The following SEMA6D variants were observed in gnomAD, a reference collection of about 807,000 sequenced individuals.
SEMA6D encodes semaphorin 6D.
Under a neutral mutation model 106.6 loss-of-function variants are expected in SEMA6D, and 35 were observed. The ratio of observed to expected loss-of-function variants is 0.33; its 90% CI spans 0.25 to 0.44. The LOEUF (loss-of-function observed/expected upper bound fraction) is 0.44. Among genes scored for constraint, SEMA6D ranks in the 20% least tolerant of loss-of-function variants. The probability of loss-of-function intolerance (pLI) is 1.00; values close to 1 mark genes in which losing one functional copy is unlikely to be tolerated. For missense variants in SEMA6D, 1,185 were observed against 1,345.9 expected (o/e 0.88, Z 1.87); for synonymous variants, 499 against 487.7 (o/e 1.02, Z -0.31).
intron 1 of SEMA6D, chr15:47,412,293 C>T (rs1408083170): frequency 6.6e-6 from 1 of 152,532 alleles, no homozygotes; most frequent in Non-Finnish European, 1.5e-5. Flanking sequence ...CAGCAGCAGG[C>T]ATTTATAAAC....
intron 4 of SEMA6D, among the ~76,000 whole-genome samples, chr15:47,611,502 T>C (rs1272995829): frequency 6.6e-6 from 1 of 152,204 alleles, no homozygotes; most frequent in Non-Finnish European, 1.5e-5. Flanking sequence ...CGTGTGTGTG[T>C]GTTTATATGT....
intron 1 of SEMA6D, among the ~76,000 whole-genome samples, chr15:47,408,774 G>C (rs2040684413): frequency 1.3e-5 from 2 of 152,196 alleles, no homozygotes; most frequent in African/African-American, 4.8e-5. Context: ...TAAGATAATA[G>C]AGATTCTCCC....
Position 47,508,026 on chromosome 15 carries a change from C to A in SEMA6D, c.-87+37481C>A, listed in dbSNP as rs1441801721. ...TTCAGTTCTTAATATCATAACCATG[C>A]AATACTGCCTATGAAATGACAGAAA... On this transcript the variant is annotated intron_variant, in intron 3 of 19. Transcript: ENST00000558014. Among the ~76,000 whole-genome samples, 6 of 152,234 alleles carry A rather than the reference C, an allele frequency of 3.9e-5. No individual in the cohort carries two copies. In the East Asian group the frequency reaches 9.7e-4, roughly 25 times the overall value.
intron 1 of SEMA6D, among the ~76,000 whole-genome samples, chr15:47,385,438 C>T (rs1341488589): frequency 6.6e-6 from 1 of 152,022 alleles, no homozygotes; most frequent in African/African-American, 2.4e-5. Context: ...AACCAAATTG[C>T]TATGTGAATT....
At chr15:47,291,217 C>G (rs1435033236) in intron 1 of SEMA6D, among the ~76,000 whole-genome samples, 3 of 152,196 alleles carry the variant, frequency 2.0e-5, no homozygotes, top group Admixed American at 1.3e-4. Context: ...TGGAGTTCCT[C>G]AGTGCTATAA....
At chr15:47,378,637 C>T (rs749129801) in intron 1 of SEMA6D, among the ~76,000 whole-genome samples, 6 of 152,160 alleles carry the variant, frequency 3.9e-5, no homozygotes, top group Non-Finnish European at 7.3e-5. Flanking sequence ...CGTTATTTTC[C>T]ACCAAGTGCT....
rs1050602859 is a variant in SEMA6D, at chr15:47,559,243, C to T, written c.-86-41622C>T. ...TTAAAGTGTTTCTCTTCAAGCATGA[C>T]GGAATGGGGAGGCAAACAAATTCTC... On this transcript the variant is annotated intron_variant, in intron 3 of 19. Coordinates refer to the SEMA6D transcript ENST00000558014. 7.2e-5 allele frequency among the ~76,000 whole-genome samples: 11 copies of T among 151,944 alleles called. No individual in the cohort carries two copies. The South Asian group carries it at 8.3e-4, about 11-fold the overall frequency.
intron 3 of SEMA6D, among the ~76,000 whole-genome samples, chr15:47,489,453 A>C (rs1467845905): frequency 6.6e-6 from 1 of 152,184 alleles, no homozygotes; most frequent in Non-Finnish European, 1.5e-5. Flanking sequence ...CTATGGAAGT[A>C]CTCACTATGT....
At chr15:47,764,606 G>T in intron 11 of SEMA6D, 32 bp from the exon 12 acceptor site, 1 of 1,611,084 alleles carries the variant, frequency 6.2e-7, no homozygotes, top group Non-Finnish European at 8.5e-7. Context: ...AGGGGCAGCC[G>T]AGAGCATAAA....
intron 2 of SEMA6D, among the ~76,000 whole-genome samples, chr15:47,445,312 C>G (rs1246602031): frequency 1.3e-5 from 2 of 152,048 alleles, no homozygotes; most frequent in Admixed American, 6.6e-5. Context: ...TGCCGGGGAA[C>G]CACCCTCTTC....
At chr15:47,653,047 A>G (rs577724032) in intron 4 of SEMA6D, among the ~76,000 whole-genome samples, 5 of 152,368 alleles carry the variant, frequency 3.3e-5, no homozygotes, top group Admixed American at 3.3e-4. Context: ...CTCCATGCGT[A>G]CTTATCACTC....
At chr15:47,266,239 T>C (rs955528311) in intron 1 of SEMA6D, among the ~76,000 whole-genome samples, 1 of 151,896 alleles carries the variant, frequency 6.6e-6, no homozygotes, top group Admixed American at 6.6e-5. Flanking sequence ...TGACTACACT[T>C]TTTTTTTCCA....
chr15:47,348,378 T>C (rs2038130754), intron 1 of SEMA6D, among the ~76,000 whole-genome samples: 1 of 152,122 alleles, frequency 6.6e-6, no homozygotes, highest in South Asian at 2.1e-4. Context: ...AATGACTTAA[T>C]ATATAAAACT....
chr15:47,365,045 G>A (rs1208306017), intron 1 of SEMA6D, among the ~76,000 whole-genome samples: 2 of 152,184 alleles, frequency 1.3e-5, no homozygotes, highest in East Asian at 3.9e-4. Context: ...GGGAAGTTGG[G>A]AGGAAATTAA....
chr15:47,241,696 T>TG (rs1281062267), intron 1 of SEMA6D, among the ~76,000 whole-genome samples: 3 of 148,320 alleles, frequency 2.0e-5, no homozygotes, highest in African/African-American at 7.5e-5. Flanking sequence ...AAGAAAACGA[T>TG]GGAAAAAAAA....
intron 4 of SEMA6D, among the ~76,000 whole-genome samples, chr15:47,659,235 T>A (rs2145151485): frequency 1.3e-5 from 2 of 152,070 alleles, no homozygotes; most frequent in African/African-American, 4.8e-5. Flanking sequence ...ACAATTTGAT[T>A]TTAGCACATT....
intron 1 of SEMA6D, among the ~76,000 whole-genome samples, chr15:47,203,225 C>T (rs1389841716): frequency 1.3e-5 from 2 of 152,002 alleles, no homozygotes; most frequent in Admixed American, 6.6e-5. Flanking sequence ...AATCAAGTTC[C>T]CTCTAACCTT....
At chr15:47,597,672 C>A (rs1408785642) in intron 3 of SEMA6D, among the ~76,000 whole-genome samples, 1 of 151,368 alleles carries the variant, frequency 6.6e-6, no homozygotes, top group East Asian at 1.9e-4. Context: ...TAATAAAACT[C>A]ATAGAAGCAG....
At chr15:47,549,694 A>C (rs527907793) in intron 3 of SEMA6D, among the ~76,000 whole-genome samples, 29 of 152,144 alleles carry the variant, frequency 1.9e-4, no homozygotes, top group Non-Finnish European at 3.2e-4. Flanking sequence ...TAGGTCTACT[A>C]ACCACTAATA....
Sources: allele counts gnomAD v4.1 joint callset (sites outside exome capture counted in the v4.1 genomes callset), GRCh38; gene constraint gnomAD v4.1.1; transcripts MANE v1.5; gene names NCBI Gene and HGNC (gene_info 2026-07-23, HGNC 2026-07-21).